CACNA2D1: variants seen among roughly 807,000 people sequenced by gnomAD.
The protein encoded by CACNA2D1 is voltage-dependent calcium channel subunit alpha-2/delta-1.
A neutral mutation model predicts 171.5 loss-of-function variants in CACNA2D1; 53 were observed. The ratio of observed to expected loss-of-function variants is 0.31; its 90% CI spans 0.25 to 0.39. The LOEUF (loss-of-function observed/expected upper bound fraction) is 0.39. Ranked by LOEUF, CACNA2D1 falls within the 10% of genes least tolerant of loss-of-function variation. The pLI is 1.00. For missense variants in CACNA2D1, 903 were observed against 1,299.8 expected, an observed-to-expected ratio of 0.69 and a Z score of 4.69; for synonymous variants, 442 against 443.1, an observed-to-expected ratio of 1.00 and a Z score of 0.03.
At chr7:82,127,221 C>A (rs1790431179) in intron 5 of CACNA2D1, among the ~76,000 whole-genome samples, 1 of 152,246 alleles carries the variant, frequency 6.6e-6, no homozygotes, top group Non-Finnish European at 1.5e-5. Context: ...CTGTCCACTG[C>A]CACTCTCATC....
intron 35 of CACNA2D1, 149 bp from the exon 36 acceptor site, chr7:81,962,172 C>A: frequency 1.4e-6 from 1 of 702,280 alleles, no homozygotes. Flanking sequence ...TGTGTAATAT[C>A]GTGGCAGCCC....
rs535078522 is a variant in CACNA2D1, at chr7:81,965,808, A to T, written c.2503-143T>A. ...TTCTCTTGAACATATATGTTCATTA[A>T]ATTCTGGTGAAATAAAGGCATGCAT... is the stretch of plus-strand genomic sequence containing the variant. On this transcript the variant is annotated intron_variant, in intron 31 of 38. Transcript: ENST00000356860. The T allele has an allele frequency of 7.4e-5, 48 of 648,880 alleles. No individual in the cohort carries two copies. The African/African-American group carries it at 8.0e-4, about 11-fold the overall frequency. 40.2% of individuals were successfully genotyped at this position (648,880 alleles called of 1,614,324 possible).
intron 1 of CACNA2D1, among the ~76,000 whole-genome samples, chr7:82,375,926 A>G (rs754543475): frequency 2.6e-5 from 4 of 152,162 alleles, no homozygotes; most frequent in Non-Finnish European, 4.4e-5. Context: ...TTGGCTGTCC[A>G]TCAGTAAAAC....
intron 1 of CACNA2D1, among the ~76,000 whole-genome samples, chr7:82,376,247 C>T (rs948086653): frequency 6.6e-6 from 1 of 152,114 alleles, no homozygotes; most frequent in Non-Finnish European, 1.5e-5. Flanking sequence ...GAACAAATAC[C>T]TATCACTCAC....
intron 10 of CACNA2D1, 32 bp from the exon 11 acceptor site, chr7:82,038,267 G>A (rs750070633): frequency 1.3e-6 from 2 of 1,570,268 alleles, no homozygotes; most frequent in South Asian, 1.1e-5. Context: ...ATATATAAAT[G>A]AACATTAAAA....
At chr7:82,271,290 C>T (rs147135890) in intron 3 of CACNA2D1, among the ~76,000 whole-genome samples, 114 of 152,204 alleles carry the variant, frequency 7.5e-4, no homozygotes, top group African/African-American at 2.3e-3. Context: ...CCATGATGTA[C>T]ACAGTCATTC....
At chr7:81,973,981 T>A (rs2130493269) in intron 25 of CACNA2D1, among the ~76,000 whole-genome samples, 1 of 152,164 alleles carries the variant, frequency 6.6e-6, no homozygotes, top group South Asian at 2.1e-4. Flanking sequence ...AGTTAACTTG[T>A]GATCAAAATA....
chr7:82,309,979 CTG>C (rs1349961435), intron 3 of CACNA2D1, among the ~76,000 whole-genome samples: 3 of 152,038 alleles, frequency 2.0e-5, no homozygotes, highest in Non-Finnish European at 4.4e-5. Flanking sequence ...ATAAAAATGT[CTG>C]TATCATTTCT....
At chr7:82,194,993 T>G (rs1325691713) in intron 3 of CACNA2D1, among the ~76,000 whole-genome samples, 1 of 152,074 alleles carries the variant, frequency 6.6e-6, no homozygotes, top group Non-Finnish European at 1.5e-5. Flanking sequence ...TTGCACTCTT[T>G]TATCTTTTAC....
Position 81,948,190 on chromosome 7 carries a change from C to A in CACNA2D1, c.*2202G>T, listed in dbSNP as rs917859050. Reference sequence around the variant, plus strand: ...ACTAACAATTTTATATTTTGATACCCCCTTCCCAACACTATCATGATTTAA... The same window carrying A: ...ACTAACAATTTTATATTTTGATACCACCTTCCCAACACTATCATGATTTAA... On this transcript the variant is annotated 3_prime_UTR_variant, in exon 39 of 39. Coordinates refer to ENST00000356860, the MANE Select transcript of CACNA2D1 (RefSeq NM_000722.4). 6.6e-6 allele frequency: 1 copy of A among 151,664 alleles called. No individual in the cohort carries two copies. Among genetic ancestry groups the A allele is most frequent in the Non-Finnish European group, 1.5e-5 (1 of 67,750 alleles). The allele number at this position is 151,664 out of a possible 1,614,324, so 9.4% of individuals were successfully genotyped here.
At chr7:81,983,242 A>G in intron 23 of CACNA2D1, 72 bp downstream of exon 23, 1 of 1,269,862 alleles carries the variant, frequency 7.9e-7, no homozygotes, top group African/African-American at 1.5e-5. Context: ...AATATCCAAT[A>G]GGAAGGAAAA....
At chr7:82,098,143 A>G (rs1812152037) in intron 6 of CACNA2D1, among the ~76,000 whole-genome samples, 1 of 152,164 alleles carries the variant, frequency 6.6e-6, no homozygotes, top group South Asian at 2.1e-4. Flanking sequence ...AATAAAAAAA[A>G]TAAAAAAATA....
intron 3 of CACNA2D1, among the ~76,000 whole-genome samples, chr7:82,175,085 T>C (rs1409379933): frequency 6.6e-6 from 1 of 151,974 alleles, no homozygotes; most frequent in African/African-American, 2.4e-5. Context: ...TTTCCAAACA[T>C]GTAAGTAACT....
At chr7:82,166,000 C>T (rs756189797) in intron 4 of CACNA2D1, among the ~76,000 whole-genome samples, 3 of 151,906 alleles carry the variant, frequency 2.0e-5, no homozygotes, top group African/African-American at 4.8e-5. Flanking sequence ...TGTCTGTCTT[C>T]GATTCTAAGT....
chr7:82,115,540 T>C (rs1241786862), intron 6 of CACNA2D1, among the ~76,000 whole-genome samples: 4 of 151,702 alleles, frequency 2.6e-5, no homozygotes, highest in Admixed American at 1.3e-4. Context: ...CACACACACA[T>C]ATATATACAC....
At chr7:82,050,600 T>G (rs1051663335) in intron 10 of CACNA2D1, 5 of 702,832 alleles carry the variant, frequency 7.1e-6, no homozygotes, top group Admixed American at 2.0e-5. Flanking sequence ...GAAAATCTCT[T>G]CGGGAGAAGG....
chr7:82,174,575 C>T (rs915974316), intron 3 of CACNA2D1, among the ~76,000 whole-genome samples: 2 of 152,038 alleles, frequency 1.3e-5, no homozygotes, highest in African/African-American at 4.8e-5. Flanking sequence ...TATGCTCCTT[C>T]CACAAGACCA....
In CACNA2D1 at chr7:82,419,007, G is replaced by A. The variant is rs1828450585; in HGVS notation, c.95+24358C>T. On this transcript the variant is annotated intron_variant, in intron 1 of 38. Transcript: ENST00000356860. ...CACCTGTAGTCCCAGCTACTTGGGAGGCTGAGGCAGGAGAATGGCGTGAAC... is the reference window on the plus strand; with the variant it reads ...CACCTGTAGTCCCAGCTACTTGGGAAGCTGAGGCAGGAGAATGGCGTGAAC... Among the ~76,000 whole-genome samples the A allele has an allele frequency of 3.3e-5, 5 of 151,998 alleles. No individual in the cohort carries two copies. In the South Asian group the frequency reaches 1.0e-3, roughly 31 times the overall value.
chr7:82,382,011 A>G (rs900332352), intron 1 of CACNA2D1, among the ~76,000 whole-genome samples: 1 of 152,194 alleles, frequency 6.6e-6, no homozygotes, highest in African/African-American at 2.4e-5. Context: ...TTACCCACTG[A>G]CATATGAGAC....
Sources: allele counts gnomAD v4.1 joint callset (sites outside exome capture counted in the v4.1 genomes callset), GRCh38; gene constraint gnomAD v4.1.1; transcripts MANE v1.5; gene names NCBI Gene and HGNC (gene_info 2026-07-23, HGNC 2026-07-21).